Variants in FRMPD4 observed in about 807,000 individuals in gnomAD.
FRMPD4 encodes FERM and PDZ domain-containing protein 4.
In FRMPD4, 22 loss-of-function variants were observed where a neutral mutation model predicts 94.1. The observed-to-expected ratio is 0.23, with a 90% CI of 0.17 to 0.33. FRMPD4 has a LOEUF of 0.33. Among genes scored for constraint, FRMPD4 ranks in the 10% least tolerant of loss-of-function variants. FRMPD4 has a pLI of 1.00. For missense variants in FRMPD4, 1,111 were observed against 1,339.9 expected (o/e 0.83, Z 2.67); for synonymous variants, 631 against 548.6 (o/e 1.15, Z -2.10).
At chrX:11,957,361 C>T (rs1455922953) in intron 3 of FRMPD4, among the ~76,000 whole-genome samples, 4 of 110,131 alleles carry the variant, frequency 3.6e-5, no homozygotes, top group African/African-American at 1.3e-4. Flanking sequence ...AGTTTGAGAC[C>T]AGTCTGGTAA....
At chrX:12,317,502 G>A (rs1416978308) in intron 1 of FRMPD4, among the ~76,000 whole-genome samples, 1 of 103,078 alleles carries the variant, frequency 9.7e-6, no homozygotes, top group African/African-American at 3.6e-5. Flanking sequence ...ACAGCCCACG[G>A]AATGGGAGAA....
chrX:12,484,501 C>T (rs1416663608), intron 1 of FRMPD4, among the ~76,000 whole-genome samples: 1 of 112,287 alleles, frequency 8.9e-6, no homozygotes, highest in Non-Finnish European at 1.9e-5. Context: ...CCCTGTCAAA[C>T]AAAATGGCTG....
At chrX:12,523,636 C>A (rs2058187928) in intron 2 of FRMPD4, among the ~76,000 whole-genome samples, 1 of 111,455 alleles carries the variant, frequency 9.0e-6, no homozygotes, top group Non-Finnish European at 1.9e-5. Flanking sequence ...CTTTATTCGT[C>A]TGTAAAATGA....
chrX:12,459,412 T>A lies in FRMPD4; in HGVS notation c.42-39268T>A, dbSNP rs183013314. Among the ~76,000 whole-genome samples, 67 of 111,013 alleles carry A rather than the reference T, an allele frequency of 6.0e-4. 1 individual carries two copies. The East Asian group carries it at 0.018, about 29-fold the overall frequency. On this transcript the variant is annotated intron_variant, in intron 1 of 16. Transcript: ENST00000675598. ...TACTATTATGTAAACACCTCTAAAATCAAGTTACAGAACACTTCCATCTAC... is the reference window on the plus strand; with the variant it reads ...TACTATTATGTAAACACCTCTAAAAACAAGTTACAGAACACTTCCATCTAC...
chrX:12,162,835 G>A (rs1222168324), intron 1 of FRMPD4, among the ~76,000 whole-genome samples: 1 of 111,546 alleles, frequency 9.0e-6, no homozygotes, highest in African/African-American at 3.3e-5. Context: ...CTCTGCTTAT[G>A]TTGCAAAATG....
chrX:12,013,619 A>G (rs2054591405), intron 3 of FRMPD4, among the ~76,000 whole-genome samples: 1 of 113,016 alleles, frequency 8.8e-6, no homozygotes, highest in African/African-American at 3.2e-5. Context: ...TTCCGGAGAC[A>G]TTTACCATTT....
chrX:12,181,788 G>A (rs1400457166), intron 1 of FRMPD4, among the ~76,000 whole-genome samples: 1 of 111,602 alleles, frequency 9.0e-6, no homozygotes, highest in African/African-American at 3.3e-5. Flanking sequence ...AAACTTCAGA[G>A]GCTGCATGCC....
intron 1 of FRMPD4, among the ~76,000 whole-genome samples, chrX:12,471,475 A>G (rs1237568764): frequency 8.9e-6 from 1 of 111,944 alleles, no homozygotes; most frequent in Non-Finnish European, 1.9e-5. Flanking sequence ...CTATCAAGCT[A>G]CGTGACTGGA....
At chrX:12,552,201 A>T (rs949146333) in intron 2 of FRMPD4, among the ~76,000 whole-genome samples, 2 of 112,025 alleles carry the variant, frequency 1.8e-5, no homozygotes, top group South Asian at 3.7e-4. Context: ...TTTAAATCCA[A>T]AATCTGGGAG....
At chrX:11,925,511 T>G (rs2147347955) in intron 3 of FRMPD4, among the ~76,000 whole-genome samples, 1 of 112,072 alleles carries the variant, frequency 8.9e-6, no homozygotes, top group African/African-American at 3.2e-5. Context: ...AGTAAAACAC[T>G]CTTCAGCAAA....
rs758047590 is a variant in FRMPD4, at chrX:12,717,837, C to T, written c.3011C>T (p.Thr1004Ile). Residue 1004 changes from threonine (T) to isoleucine (I), a missense_variant, in exon 16 of 17, where the codon ACT becomes ATT. Transcript: ENST00000675598. ...HMEMEPETME[T>I]KSVTDYFSKL... is the part of the protein sequence containing the mutation. ...GAGATGGAGCCTGAAACTATGGAGA[C>T]TAAGTCGGTCACTGACTATTTTAGC... 4.1e-6 allele frequency: 5 copies of T among 1,210,357 alleles called. No homozygotes were observed. The highest frequency in any genetic ancestry group is 3.5e-5 in the South Asian group (2 of 56,998).
chrX:11,951,871 C>A (rs1191241336), intron 3 of FRMPD4, among the ~76,000 whole-genome samples: 2 of 111,107 alleles, frequency 1.8e-5, no homozygotes, highest in African/African-American at 3.3e-5. Flanking sequence ...CCGTCTCTAA[C>A]AACAACAACA....
In FRMPD4 at chrX:12,646,999, G is replaced by A. The variant is rs368520410; in HGVS notation, c.423-27864G>A. 2.1e-4 allele frequency among the ~76,000 whole-genome samples: 24 copies of A among 111,835 alleles called. 1 individual carries two copies. The highest frequency in any genetic ancestry group is 1.1e-3 in the South Asian group (3 of 2,645). On this transcript the variant is annotated intron_variant, in intron 4 of 16. Coordinates refer to ENST00000675598, the MANE Select transcript of FRMPD4 (RefSeq NM_001368397.1). ...GGAGCCCCAGCTCCTTCTGGCTCCA[G>A]GATAACGTTATACATAGGCTCCCCT... is the stretch of plus-strand genomic sequence containing the variant.
chrX:12,448,160 T>A (rs1199246872), intron 1 of FRMPD4, among the ~76,000 whole-genome samples: 1 of 112,236 alleles, frequency 8.9e-6, no homozygotes, highest in East Asian at 2.8e-4. Flanking sequence ...TGAAAACATT[T>A]TGTTGTTTCC....
chrX:12,640,460 C>T (rs1478891607), intron 4 of FRMPD4, among the ~76,000 whole-genome samples: 2 of 111,049 alleles, frequency 1.8e-5, no homozygotes, highest in Non-Finnish European at 3.8e-5. Context: ...GTGGTATCTG[C>T]CCACCTCTAG....
chrX:12,664,785 C>T (rs2059757814), intron 4 of FRMPD4, among the ~76,000 whole-genome samples: 1 of 111,807 alleles, frequency 8.9e-6, no homozygotes, highest in Admixed American at 9.5e-5. Context: ...ATGGTACCAG[C>T]TCCTCTTTGT....
At chrX:12,316,167 G>A (rs748790848) in intron 1 of FRMPD4, among the ~76,000 whole-genome samples, 1 of 110,698 alleles carries the variant, frequency 9.0e-6, no homozygotes, top group Admixed American at 9.6e-5. Context: ...TATTTTTTTT[G>A]AGACAGTCTC....
chrX:12,564,927 A>T (rs2058697259), intron 2 of FRMPD4, among the ~76,000 whole-genome samples: 1 of 111,081 alleles, frequency 9.0e-6, no homozygotes, highest in African/African-American at 3.3e-5. Flanking sequence ...TTGAGTAACA[A>T]AATAGTAGCA....
intron 1 of FRMPD4, among the ~76,000 whole-genome samples, chrX:12,385,850 C>A (rs2056390653): frequency 8.9e-6 from 1 of 112,294 alleles, no homozygotes; most frequent in Admixed American, 9.4e-5. Context: ...AAGAGGGAAC[C>A]TTGTTTGAAA....
Sources: gnomAD v4.1 joint callset for allele counts (sites outside exome capture counted in the v4.1 genomes callset) on GRCh38, gnomAD v4.1.1 for gene constraint, MANE v1.5 for transcripts, NCBI Gene and HGNC (gene_info 2026-07-23, HGNC 2026-07-21) for gene names.